L3MBTL4: variants seen among roughly 807,000 people sequenced by gnomAD.
L3MBTL4 encodes lethal(3)malignant brain tumor-like protein 4.
L3MBTL4 carries 70 observed loss-of-function variants against 84.5 expected under a neutral mutation model. The observed-to-expected ratio is 0.83, with a 90% CI of 0.68 to 1.01. The LOEUF is 1.01. L3MBTL4 is among the 50% of genes least tolerant of loss of function. The pLI, the probability that L3MBTL4 is intolerant of heterozygous loss-of-function variation, is 0.00. For missense variants in L3MBTL4, 715 were observed against 754.8 expected (o/e 0.95, Z 0.62); for synonymous variants, 274 against 259.8 (o/e 1.05, Z -0.52).
chr18:6,041,316 A>G (rs773977860), intron 16 of L3MBTL4, among the ~76,000 whole-genome samples: 6 of 152,220 alleles, frequency 3.9e-5, no homozygotes, highest in Non-Finnish European at 8.8e-5. Flanking sequence ...GGCCATGCCC[A>G]CCACATCTGC....
intron 15 of L3MBTL4, among the ~76,000 whole-genome samples, chr18:6,090,304 C>G (rs954106437): frequency 2.0e-5 from 3 of 151,908 alleles, no homozygotes; most frequent in Non-Finnish European, 4.4e-5. Context: ...AAACATGACT[C>G]TCTACTAAAA....
chr18:6,410,238 T>G (rs2055909643), intron 1 of L3MBTL4, among the ~76,000 whole-genome samples: 1 of 152,230 alleles, frequency 6.6e-6, no homozygotes, highest in Non-Finnish European at 1.5e-5. Context: ...TGCCTGAACT[T>G]CCTTTTGCTT....
chr18:5,970,272 GTACCAT>G (rs2052574641), intron 16 of L3MBTL4, among the ~76,000 whole-genome samples: 1 of 152,230 alleles, frequency 6.6e-6, no homozygotes, highest in Non-Finnish European at 1.5e-5. Flanking sequence ...AGCTCTGAAT[GTACCAT>G]GGTTATAAAG....
chr18:6,028,439 C>G (rs996070148), intron 16 of L3MBTL4, among the ~76,000 whole-genome samples: 2 of 152,130 alleles, frequency 1.3e-5, no homozygotes, highest in Non-Finnish European at 2.9e-5. Flanking sequence ...GTTACTGTAG[C>G]CTTGCAGTAT....
chr18:6,055,869 GC>G (rs2057004456), intron 16 of L3MBTL4, among the ~76,000 whole-genome samples: 2 of 152,022 alleles, frequency 1.3e-5, no homozygotes. Flanking sequence ...AGATGACTAA[GC>G]TTTTGTCCTC....
chr18:6,318,755 T>G (rs1481733408), intron 1 of L3MBTL4, among the ~76,000 whole-genome samples: 3 of 151,852 alleles, frequency 2.0e-5, no homozygotes, highest in African/African-American at 4.8e-5. Flanking sequence ...AGCAATGAAA[T>G]TAAACTACAT....
chr18:6,148,623 G>A (rs2042754565), intron 13 of L3MBTL4, among the ~76,000 whole-genome samples: 1 of 151,902 alleles, frequency 6.6e-6, no homozygotes, highest in South Asian at 2.1e-4. Context: ...AGTGAGGGGG[G>A]TCATGCTATG....
At chr18:6,366,625 G>T (rs1377369946) in intron 1 of L3MBTL4, among the ~76,000 whole-genome samples, 1 of 152,158 alleles carries the variant, frequency 6.6e-6, no homozygotes, top group East Asian at 1.9e-4. Flanking sequence ...GTATTGTAAA[G>T]CAAAGCTGTG....
At chr18:6,322,280 G>A (rs2051446277) in intron 1 of L3MBTL4, among the ~76,000 whole-genome samples, 1 of 151,844 alleles carries the variant, frequency 6.6e-6, no homozygotes, top group Admixed American at 6.6e-5. Context: ...CAAGACTTCA[G>A]TGAGCCAGGA....
At chr18:6,264,868 A>C (rs1221822240) in intron 4 of L3MBTL4, among the ~76,000 whole-genome samples, 1 of 152,264 alleles carries the variant, frequency 6.6e-6, no homozygotes, top group Non-Finnish European at 1.5e-5. Context: ...GACACGCCCA[A>C]GGGGCAAAAC....
At chr18:6,166,799 G>A (rs569433525) in intron 13 of L3MBTL4, among the ~76,000 whole-genome samples, 1 of 152,170 alleles carries the variant, frequency 6.6e-6, no homozygotes, top group East Asian at 1.9e-4. Flanking sequence ...ACATTCAAAA[G>A]CTAGCAGAAG....
At chr18:6,096,404 T>C (rs1167778526) in intron 14 of L3MBTL4, among the ~76,000 whole-genome samples, 1 of 152,218 alleles carries the variant, frequency 6.6e-6, no homozygotes, top group Non-Finnish European at 1.5e-5. Context: ...TTCCTGATTC[T>C]ATGAGGCAAA....
intron 14 of L3MBTL4, among the ~76,000 whole-genome samples, chr18:6,094,627 A>G (rs1338939693): frequency 6.6e-6 from 1 of 152,198 alleles, no homozygotes; most frequent in African/African-American, 2.4e-5. Flanking sequence ...TACATAGTAC[A>G]AAGTAAATCC....
At chr18:6,190,654 C>T (rs1265229420) in intron 12 of L3MBTL4, among the ~76,000 whole-genome samples, 1 of 152,130 alleles carries the variant, frequency 6.6e-6, no homozygotes, top group African/African-American at 2.4e-5. Flanking sequence ...GAAAAAATTC[C>T]TTGCCTTTTG....
intron 12 of L3MBTL4, among the ~76,000 whole-genome samples, chr18:6,201,313 G>A (rs1471099140): frequency 6.6e-6 from 1 of 152,188 alleles, no homozygotes; most frequent in Non-Finnish European, 1.5e-5. Context: ...TAAGAGGTGG[G>A]TTTGGTCATG....
At chr18:6,384,789 G>A (rs531943547) in intron 1 of L3MBTL4, among the ~76,000 whole-genome samples, 2 of 152,270 alleles carry the variant, frequency 1.3e-5, no homozygotes, top group African/African-American at 4.8e-5. Context: ...TCTCCTCTGG[G>A]GGAAGCCAGC....
At chr18:6,405,653 A>G (rs11664894) in intron 1 of L3MBTL4, among the ~76,000 whole-genome samples, 42,034 of 152,006 alleles carry the variant, frequency 0.28, 6,103 homozygotes, top group East Asian at 0.42. Context: ...CCCCCTAAAC[A>G]CAGGGGCTGG....
intron 1 of L3MBTL4, chr18:6,397,081 G>A (rs1486331390): frequency 6.6e-6 from 1 of 152,188 alleles, no homozygotes; most frequent in East Asian, 1.9e-4. Context: ...AAGATGAAAT[G>A]CAGATGAACT....
intron 15 of L3MBTL4, among the ~76,000 whole-genome samples, chr18:6,088,366 T>A (rs1265547467): frequency 1.3e-5 from 2 of 152,076 alleles, no homozygotes; most frequent in Non-Finnish European, 2.9e-5. Flanking sequence ...GCAATAAGTG[T>A]TAGAAATAGA....
Sources: allele counts gnomAD v4.1 joint callset (sites outside exome capture counted in the v4.1 genomes callset), GRCh38; gene constraint gnomAD v4.1.1; transcripts MANE v1.5; gene names NCBI Gene and HGNC (gene_info 2026-07-23, HGNC 2026-07-21).